The following SVOPL variants were observed in gnomAD, a reference collection of about 807,000 sequenced individuals.
SVOPL encodes SVOP like, also known as putative transporter SVOPL.
In SVOPL, 60 loss-of-function variants were observed where a neutral mutation model predicts 61.0. The observed-to-expected ratio is 0.98, with a 90% confidence interval of 0.80 to 1.22. The LOEUF (loss-of-function observed/expected upper bound fraction) is 1.22, where lower values mean the gene tolerates loss of function less well. Ranked by LOEUF, SVOPL falls within the 50% of genes most tolerant of loss-of-function variation. SVOPL has a pLI of 0.00. For synonymous variants in SVOPL, 279 were observed against 250.0 expected, an observed-to-expected ratio of 1.12 and a Z score of -1.09; for missense variants, 662 against 643.9, an observed-to-expected ratio of 1.03 and a Z score of -0.30.
chr7:138,663,197 C>A, intron 4 of SVOPL, 52 bp from the exon 5 acceptor site: 1 of 1,586,756 alleles, frequency 6.3e-7, no homozygotes, highest in African/African-American at 1.3e-5. Flanking sequence ...TTACATGTTA[C>A]TTTACCCCGT....
chr7:138,693,243 C>T lies in SVOPL; in HGVS notation c.-35+7935G>A, dbSNP rs1483878872. ...ATTTCTTGCCAGGTGTGGTGGTTCA[C>T]GCCTGTCATCTCAGCACCTTGGGAG... On this transcript the variant is annotated intron_variant, in intron 1 of 15. Coordinates refer to ENST00000674285, the MANE Select transcript of SVOPL (RefSeq NM_001139456.2). Among the ~76,000 whole-genome samples, 7 of 152,050 alleles carry T rather than the reference C, an allele frequency of 4.6e-5. No homozygotes were observed. In the South Asian group the frequency reaches 8.3e-4, roughly 18 times the overall value.
chr7:138,661,093 AT>A, intron 5 of SVOPL: 6 of 985,228 alleles, frequency 6.1e-6, no homozygotes, highest in Non-Finnish European at 6.0e-6. Flanking sequence ...TATGCTATTT[AT>A]TTCATGTACT....
rs575517577 is a variant in SVOPL at position 138,657,318 on chromosome 7, G to C, written c.471-807C>G. ...TTACAGGTGCTCACCACCACACCCAGCTAATTTTTAAATTTTTTGTAGAGA... is the reference window on the plus strand; with the variant it reads ...TTACAGGTGCTCACCACCACACCCACCTAATTTTTAAATTTTTTGTAGAGA... On this transcript the variant is annotated intron_variant, in intron 6 of 15. Coordinates refer to ENST00000674285, the MANE Select transcript of SVOPL (RefSeq NM_001139456.2). 3.3e-4 allele frequency among the ~76,000 whole-genome samples: 50 copies of C among 152,088 alleles called. 1 individual carries two copies. Among genetic ancestry groups the C allele is most frequent in the Admixed American group, 3.0e-3 (46 of 15,266 alleles).
intron 10 of SVOPL, among the ~76,000 whole-genome samples, chr7:138,629,576 CTAATT>C (rs1475098783): frequency 6.6e-6 from 1 of 152,110 alleles, no homozygotes; most frequent in Non-Finnish European, 1.5e-5. Context: ...TCCTAAGTTC[CTAATT>C]TAATGTATTA....
chr7:138,647,346 A>C (rs982235933), intron 8 of SVOPL, among the ~76,000 whole-genome samples: 2 of 152,044 alleles, frequency 1.3e-5, no homozygotes, highest in African/African-American at 2.4e-5. Context: ...GCACCATTGC[A>C]CTCCAGCCTG....
chr7:138,628,063 G>A, intron 11 of SVOPL, 95 bp downstream of exon 11: 1 of 1,386,396 alleles, frequency 7.2e-7, no homozygotes, highest in South Asian at 1.3e-5. Context: ...TGCTAGGCAG[G>A]AGCGGTGTCA....
intron 8 of SVOPL, among the ~76,000 whole-genome samples, chr7:138,648,312 T>C (rs901922464): frequency 3.5e-4 from 53 of 151,726 alleles, no homozygotes; most frequent in Non-Finnish European, 2.4e-4. Context: ...ATAAAGGTAA[T>C]AGGATGTGAG....
intron 14 of SVOPL, among the ~76,000 whole-genome samples, chr7:138,608,181 G>T (rs1185332115): frequency 1.3e-5 from 2 of 152,134 alleles, no homozygotes; most frequent in African/African-American, 2.4e-5. Flanking sequence ...CAGAAAAAAA[G>T]TCAATTTTTC....
In SVOPL at chr7:138,663,086, A is replaced by G. The variant is rs376235990; in HGVS notation, c.333T>C (p.Tyr111=). 27 of 1,614,102 alleles carry G rather than the reference A, an allele frequency of 1.7e-5. No individual in the cohort carries two copies. Among genetic ancestry groups the G allele is most frequent in the African/African-American group, 4.0e-5 (3 of 74,936 alleles). ...SILFGLLADR[Y]GRWKILLISF... ...AGGCCCCACCTACCTTCCAGCGGCC[A>G]TATCTGTCAGCCAGGAGGCCAAAGA... The change falls in exon 5 of 16, where the codon TAT becomes TAC. Residue 111 remains tyrosine (Y), a synonymous_variant. Transcript: ENST00000674285.
intron 1 of SVOPL, among the ~76,000 whole-genome samples, chr7:138,695,224 G>C (rs999764648): frequency 2.0e-5 from 3 of 152,130 alleles, no homozygotes; most frequent in African/African-American, 7.2e-5. Flanking sequence ...AGAAAGACAA[G>C]CATTCCGCCA....
rs1237301858 is a variant in SVOPL, at chr7:138,628,217, T to C, written c.1010A>G (p.His337Arg). The C allele has an allele frequency of 1.2e-6, 2 of 1,614,152 alleles. No individual in the cohort carries two copies. Among genetic ancestry groups the C allele is most frequent in the East Asian group, 4.5e-5 (2 of 44,874 alleles). ...SGESQSPCYC[H>R]MFAPSDYRTM... ...CCGATAGTCAGAGGGTGCAAACATG[T>C]GGCAGTAGCAGGGGCTCTGGCTCTC... Residue 337 changes from histidine to arginine, a missense_variant, in exon 11 of 16, where the codon CAC becomes CGC. Physicochemically the swap from His to Arg is conservative, Grantham distance 29. Coordinates refer to ENST00000674285, the MANE Select transcript of SVOPL (RefSeq NM_001139456.2).
At chr7:138,658,349 C>T (rs1801846735) in intron 6 of SVOPL, among the ~76,000 whole-genome samples, 1 of 152,108 alleles carries the variant, frequency 6.6e-6, no homozygotes. Context: ...AAAATAGTTA[C>T]TCCTAAATGT....
chr7:138,672,237 G>T, intron 3 of SVOPL, 120 bp from the exon 4 acceptor site: 1 of 871,614 alleles, frequency 1.1e-6, no homozygotes, highest in Non-Finnish European at 1.8e-6. Context: ...ATTCAGGGAG[G>T]ATCTATTGTA....
chr7:138,596,370 G>A, intron 15 of SVOPL, 47 bp downstream of exon 15: 1 of 1,561,242 alleles, frequency 6.4e-7, no homozygotes, highest in Non-Finnish European at 8.8e-7. Flanking sequence ...TTTGCTCTGG[G>A]CAAAAGTGGT....
At chr7:138,686,405 CAAAAAAAAAAAAAA>C (rs200553829) in intron 1 of SVOPL, among the ~76,000 whole-genome samples, 3 of 88,742 alleles carry the variant, frequency 3.4e-5, no homozygotes, top group African/African-American at 8.4e-5. Context: ...GACTCCGCCT[CAAAAAAAAAAAAAA>C]AAAAAAAAAG....
intron 14 of SVOPL, among the ~76,000 whole-genome samples, chr7:138,608,865 A>G (rs1274844636): frequency 6.6e-6 from 1 of 152,194 alleles, no homozygotes; most frequent in Non-Finnish European, 1.5e-5. Context: ...AATGAAAGAC[A>G]AATAACAAAT....
chr7:138,680,210 C>A (rs1001809184), intron 1 of SVOPL, among the ~76,000 whole-genome samples: 2 of 147,992 alleles, frequency 1.4e-5, no homozygotes, highest in South Asian at 4.2e-4. Context: ...TGCCCTGTTG[C>A]CCAGACTGGA....
chr7:138,630,128 G>T lies in SVOPL; in HGVS notation c.790-6C>A. On this transcript the variant is annotated splice_region_variant and splice_polypyrimidine_tract_variant and intron_variant, in intron 9 of 15. Coordinates refer to ENST00000674285, the MANE Select transcript of SVOPL (RefSeq NM_001139456.2). ...GCAAATCTTCCTCTTTTTTCCTGGG[G>T]TAATGAAAAGGAGACAGAACATACT... 33 of 1,611,010 alleles carry T rather than the reference G, an allele frequency of 2.0e-5. No homozygotes were observed. Among genetic ancestry groups the T allele is most frequent in the Non-Finnish European group, 2.6e-5 (31 of 1,177,276 alleles).
chr7:138,687,296 C>T (rs1398560864), intron 1 of SVOPL, among the ~76,000 whole-genome samples: 3 of 125,716 alleles, frequency 2.4e-5, no homozygotes, highest in South Asian at 2.5e-4. Flanking sequence ...AGTGCAATGG[C>T]GTGATCTCGG....
Sources: gnomAD v4.1 joint callset for allele counts (sites outside exome capture counted in the v4.1 genomes callset) on GRCh38, gnomAD v4.1.1 for gene constraint, MANE v1.5 for transcripts, NCBI Gene and HGNC (gene_info 2026-07-23, HGNC 2026-07-21) for gene names.